The following PIK3C2G variants were observed in gnomAD, a reference collection of about 807,000 sequenced individuals.
PIK3C2G encodes the protein phosphatidylinositol 3-kinase C2 domain-containing subunit gamma.
Under a neutral mutation model 181.1 loss-of-function variants are expected in PIK3C2G, and 168 were observed. The observed-to-expected ratio is 0.93, with a 90% CI of 0.82 to 1.05. The LOEUF (loss-of-function observed/expected upper bound fraction) is 1.05. PIK3C2G is among the 50% of genes least tolerant of loss of function. The pLI is 0.00. For missense variants in PIK3C2G, 1,869 were observed against 1,732.8 expected (o/e 1.08, Z -1.40); for synonymous variants, 573 against 592.2 (o/e 0.97, Z 0.47).
rs914119989 is a variant in PIK3C2G at position 18,605,214 on chromosome 12, T to C, written c.4088-4321T>C. Among the ~76,000 whole-genome samples the C allele has an allele frequency of 5.3e-5, 8 of 152,080 alleles. No individual in the cohort carries two copies. The South Asian group carries it at 1.2e-3, about 24-fold the overall frequency. ...ATGAAACGGGAGATATTACAACAGATACCACTGAAACACAAAAGATCATTC... is the reference window on the plus strand; with the variant it reads ...ATGAAACGGGAGATATTACAACAGACACCACTGAAACACAAAAGATCATTC... On this transcript the variant is annotated intron_variant, in intron 30 of 32. Coordinates refer to ENST00000538779, the MANE Select transcript of PIK3C2G (RefSeq NM_001288772.2).
intron 18 of PIK3C2G, among the ~76,000 whole-genome samples, chr12:18,434,746 T>C (rs1421076135): frequency 2.0e-5 from 3 of 151,996 alleles, no homozygotes; most frequent in Non-Finnish European, 4.4e-5. Flanking sequence ...TCAAGAAACC[T>C]CTCCATAAAG....
At chr12:18,676,746 C>A in the PIK3C2G span, among the ~76,000 whole-genome samples, 1 of 152,014 alleles carries the variant, frequency 6.6e-6, no homozygotes, top group Non-Finnish European at 1.5e-5. Flanking sequence ...ACCTTTCTTT[C>A]TTCAGCAAAG....
At chr12:18,664,103 A>G in the PIK3C2G span, among the ~76,000 whole-genome samples, 1 of 152,176 alleles carries the variant, frequency 6.6e-6, no homozygotes, top group African/African-American at 2.4e-5. Context: ...ACAAACAAAC[A>G]AAGACACACC....
At chr12:18,420,895 A>G in intron 16 of PIK3C2G, 46 bp from the exon 17 acceptor site, 1 of 988,442 alleles carries the variant, frequency 1.0e-6, no homozygotes, top group Non-Finnish European at 1.6e-6. Context: ...CTTATGCATT[A>G]TTCCTTACCA....
intron 31 of PIK3C2G, among the ~76,000 whole-genome samples, chr12:18,631,438 G>A (rs1005295589): frequency 3.3e-5 from 5 of 152,110 alleles, no homozygotes; most frequent in African/African-American, 1.2e-4. Context: ...ACTTAATGCT[G>A]GGAAAAGGCT....
intron 29 of PIK3C2G, among the ~76,000 whole-genome samples, chr12:18,579,919 G>A (rs543959813): frequency 8.5e-5 from 13 of 152,246 alleles, no homozygotes; most frequent in Admixed American, 2.0e-4. Flanking sequence ...TGGATCACGA[G>A]GTCAAGAGAT....
chr12:18,395,800 T>C (rs1943855242), intron 15 of PIK3C2G, among the ~76,000 whole-genome samples: 1 of 151,560 alleles, frequency 6.6e-6, no homozygotes, highest in Non-Finnish European at 1.5e-5. Flanking sequence ...TGTTAATTCA[T>C]GGTTGGCTGT....
intron 11 of PIK3C2G, among the ~76,000 whole-genome samples, chr12:18,355,350 C>T (rs1042154010): frequency 2.0e-5 from 3 of 152,172 alleles, no homozygotes; most frequent in African/African-American, 7.2e-5. Context: ...GAAAAGAAAC[C>T]TCTCACTTAG....
At chr12:18,355,195 G>A (rs12370092) in intron 11 of PIK3C2G, among the ~76,000 whole-genome samples, 22,148 of 152,094 alleles carry the variant, frequency 0.15, 2,048 homozygotes, top group South Asian at 0.37. Flanking sequence ...GCCTTAACCT[G>A]AAGCTTGGAA....
At chr12:18,668,007 G>C in the PIK3C2G span, among the ~76,000 whole-genome samples, 1 of 152,066 alleles carries the variant, frequency 6.6e-6, no homozygotes, top group African/African-American at 2.4e-5. Flanking sequence ...TTTACCTAAG[G>C]TCTACCTTTA....
chr12:18,423,827 C>A, intron 17 of PIK3C2G, 118 bp from the exon 18 acceptor site: 1 of 653,010 alleles, frequency 1.5e-6, no homozygotes, highest in South Asian at 1.8e-5. Context: ...GTGTTATTAG[C>A]ATTTTGTTAA....
intron 30 of PIK3C2G, among the ~76,000 whole-genome samples, chr12:18,607,022 G>GT (rs1948064028): frequency 6.6e-6 from 1 of 152,048 alleles, no homozygotes; most frequent in African/African-American, 2.4e-5. Context: ...GGATATAGGG[G>GT]TAAAAAGTAA....
intron 18 of PIK3C2G, among the ~76,000 whole-genome samples, chr12:18,447,254 G>T (rs1947080265): frequency 6.6e-6 from 1 of 152,050 alleles, no homozygotes; most frequent in African/African-American, 2.4e-5. Flanking sequence ...TTTTGCTTGT[G>T]CCCAGTTAGG....
chr12:18,632,339 T>C (rs1949384458), intron 31 of PIK3C2G, among the ~76,000 whole-genome samples: 1 of 152,186 alleles, frequency 6.6e-6, no homozygotes, highest in Non-Finnish European at 1.5e-5. Flanking sequence ...TATTATTTAA[T>C]CTTTAAAATC....
intron 18 of PIK3C2G, among the ~76,000 whole-genome samples, chr12:18,480,930 T>TTTTTTTA (rs1393797967): frequency 1.3e-5 from 2 of 152,032 alleles, no homozygotes; most frequent in African/African-American, 2.4e-5. Flanking sequence ...TATTTTTTTA[T>TTTTTTTA]TTTTTTATTT....
chr12:18,485,016 A>T (rs1022990802), intron 18 of PIK3C2G, among the ~76,000 whole-genome samples: 4 of 152,200 alleles, frequency 2.6e-5, no homozygotes, highest in African/African-American at 9.6e-5. Flanking sequence ...GAAATCACTC[A>T]TCTCTATTGT....
intron 16 of PIK3C2G, among the ~76,000 whole-genome samples, chr12:18,413,998 G>T (rs1302576422): frequency 6.6e-6 from 1 of 152,084 alleles, no homozygotes; most frequent in Non-Finnish European, 1.5e-5. Flanking sequence ...TCACAGAAAA[G>T]AAATGCCAGG....
intron 1 of PIK3C2G, among the ~76,000 whole-genome samples, chr12:18,252,601 T>C (rs1348854643): frequency 6.6e-6 from 1 of 152,158 alleles, no homozygotes; most frequent in Non-Finnish European, 1.5e-5. Context: ...CGTGCAGGAA[T>C]GTAGTTGAAG....
upstream of PIK3C2G, among the ~76,000 whole-genome samples, chr12:18,256,617 AC>A (rs1362234271): frequency 3.3e-5 from 5 of 152,082 alleles, no homozygotes; most frequent in Admixed American, 2.0e-4. Context: ...ACGTATTGTC[AC>A]AGAACTTTGC....
Sources: gnomAD v4.1 joint callset for allele counts (sites outside exome capture counted in the v4.1 genomes callset) on GRCh38, gnomAD v4.1.1 for gene constraint, MANE v1.5 for transcripts, NCBI Gene and HGNC (gene_info 2026-07-23, HGNC 2026-07-21) for gene names.